Variants in EML5 observed in about 807,000 individuals in gnomAD.
The protein encoded by EML5 is EMAP like 5.
A neutral mutation model predicts 250.0 loss-of-function variants in EML5; 120 were observed. The ratio of observed to expected loss-of-function variants is 0.48; its 90% CI spans 0.41 to 0.56. The LOEUF is 0.56. EML5 is among the 20% of genes least tolerant of loss of function. EML5 has a pLI of 0.00. For missense variants in EML5, 2,006 were observed against 2,437.6 expected, an observed-to-expected ratio of 0.82 and a Z score of 3.73; for synonymous variants, 771 against 806.5, an observed-to-expected ratio of 0.96 and a Z score of 0.75.
At chr14:88,784,150 A>G (rs1436018389) in intron 1 of EML5, among the ~76,000 whole-genome samples, 2 of 152,192 alleles carry the variant, frequency 1.3e-5, no homozygotes, top group African/African-American at 4.8e-5. Context: ...TGCAAAAGCA[A>G]TACTCAAAGG....
At position 88,706,256 on chromosome 14, in the gene EML5, C is replaced by A; in HGVS notation, c.1825+3G>T. 6.3e-7 allele frequency: 1 copy of A among 1,590,092 alleles called. No homozygotes were observed. Among genetic ancestry groups the A allele is most frequent in the Non-Finnish European group, 8.5e-7 (1 of 1,171,908 alleles). ...AACTGTTTAGCTAATGCATACTACT[C>A]ACCTTGGGGTGCTATGTGAACAGCA... On this transcript the variant is annotated splice_donor_region_variant and intron_variant, in intron 11 of 43. Coordinates refer to ENST00000554922, the MANE Select transcript of EML5 (RefSeq NM_183387.3).
At chr14:88,744,970 A>G (rs916794380) in intron 3 of EML5, among the ~76,000 whole-genome samples, 1 of 152,120 alleles carries the variant, frequency 6.6e-6, no homozygotes, top group Non-Finnish European at 1.5e-5. Context: ...TATGAAAAAC[A>G]TATCAATGCA....
intron 21 of EML5, among the ~76,000 whole-genome samples, chr14:88,672,424 A>G (rs1326383751): frequency 1.3e-5 from 2 of 152,150 alleles, no homozygotes; most frequent in East Asian, 3.9e-4. Flanking sequence ...GTATAGCCCT[A>G]AATGCCCACA....
chr14:88,757,913 C>T (rs1048584388), intron 1 of EML5, among the ~76,000 whole-genome samples: 1 of 151,792 alleles, frequency 6.6e-6, no homozygotes, highest in African/African-American at 2.4e-5. Flanking sequence ...TACAGTGACA[C>T]AATCACCACT....
intron 2 of EML5, among the ~76,000 whole-genome samples, chr14:88,754,221 C>T (rs1467666903): frequency 6.6e-6 from 1 of 152,176 alleles, no homozygotes; most frequent in Non-Finnish European, 1.5e-5. Flanking sequence ...TCAAAATACC[C>T]TATCTGGAAA....
At chr14:88,622,906 A>C (rs960891250) in intron 36 of EML5, 188 bp from the exon 37 acceptor site, 2 of 428,398 alleles carry the variant, frequency 4.7e-6, no homozygotes, top group African/African-American at 4.1e-5. Flanking sequence ...GTCAAAATAA[A>C]CATCCAGTTT....
At position 88,715,122 on chromosome 14, in the gene EML5, T is replaced by C; in HGVS notation, c.1261A>G (p.Thr421Ala). ...TCATTGCATCCAACAGCAAGGTAAG[T>C]TCCATCTGGTGAATATTTTAACTCA... ...IHELKYSPDG[T>A]YLAVGCNDSS... The change falls in exon 9 of 44, where the codon ACT (threonine) becomes GCT (alanine). Residue 421 changes from threonine to alanine, a missense_variant. Physicochemically the swap from Thr to Ala is moderately conservative, Grantham distance 58. Transcript: ENST00000554922. 6.2e-7 allele frequency: 1 copy of C among 1,612,864 alleles called. No individual in the cohort carries two copies. Among genetic ancestry groups the C allele is most frequent in the South Asian group, 1.1e-5 (1 of 90,906 alleles).
chr14:88,618,724 T>C lies in EML5; in HGVS notation c.5464A>G (p.Arg1822Gly). The change falls in exon 40 of 44, where the codon AGA becomes GGA. Residue 1822 changes from arginine to glycine, a missense_variant. This residue lies in a region of EML5 where 405 missense variants were observed against 523.3 expected (regional missense o/e 0.77). Coordinates refer to ENST00000554922, the MANE Select transcript of EML5 (RefSeq NM_183387.3). ...YDLTLGPTLN[R>G]ISYCKDIPSF... ...GGAATGTCTTTGCAGTAGCTGATTC[T>C]GTTAAGAGTGGGGCCCAGCGTTAGG... The C allele has an allele frequency of 1.2e-6, 2 of 1,610,274 alleles. No homozygotes were observed. Among genetic ancestry groups the C allele is most frequent in the Non-Finnish European group, 1.7e-6 (2 of 1,178,100 alleles).
chr14:88,775,692 C>T (rs1339615866), intron 1 of EML5, among the ~76,000 whole-genome samples: 3 of 152,164 alleles, frequency 2.0e-5, no homozygotes, highest in Non-Finnish European at 4.4e-5. Context: ...GAACTCACAG[C>T]GCTGAAGGGA....
intron 8 of EML5, among the ~76,000 whole-genome samples, chr14:88,719,496 C>T (rs1358887586): frequency 6.6e-6 from 1 of 152,246 alleles, no homozygotes; most frequent in Non-Finnish European, 1.5e-5. Context: ...CCTTGCTTAT[C>T]AAGCTCTTCC....
At chr14:88,635,787 G>A (rs1006076586) in intron 32 of EML5, among the ~76,000 whole-genome samples, 2 of 152,164 alleles carry the variant, frequency 1.3e-5, no homozygotes, top group Admixed American at 6.5e-5. Flanking sequence ...TCACCAGTGT[G>A]ATGGTATTAG....
At chr14:88,729,960 AGAGAT>A (rs1452014294) in intron 7 of EML5, among the ~76,000 whole-genome samples, 3 of 151,988 alleles carry the variant, frequency 2.0e-5, no homozygotes, top group Non-Finnish European at 4.4e-5. Flanking sequence ...ATACTGGGAA[AGAGAT>A]GATACACTCT....
At chr14:88,771,196 G>C (rs922931767) in intron 1 of EML5, among the ~76,000 whole-genome samples, 1 of 152,178 alleles carries the variant, frequency 6.6e-6, no homozygotes, top group African/African-American at 2.4e-5. Flanking sequence ...TGGTAAATGT[G>C]CATCCTTTTC....
chr14:88,625,293 A>AAAG, intron 35 of EML5, 166 bp from the exon 36 acceptor site: 3 of 706,386 alleles, frequency 4.2e-6, no homozygotes, highest in Non-Finnish European at 6.7e-6. Flanking sequence ...CCTGAACGGG[A>AAAG]GGCTTAGCTT....
chr14:88,624,923 G>T (rs1567025031), intron 36 of EML5, 47 bp downstream of exon 36: 3 of 1,599,764 alleles, frequency 1.9e-6, no homozygotes, highest in Non-Finnish European at 2.6e-6. Context: ...CAAACCTCAG[G>T]TAGGTCACAA....
rs1790843491 is a variant in EML5, at chr14:88,620,989, A to G, written c.5203-63T>C. ...ACATTAAGTGAAGTACTTCTAAATTATACCAGTTTCCCCTCAAAATGCTCA... is the reference window on the plus strand; with the variant it reads ...ACATTAAGTGAAGTACTTCTAAATTGTACCAGTTTCCCCTCAAAATGCTCA... On this transcript the variant is annotated intron_variant, in intron 38 of 43. Transcript: ENST00000554922. The surrounding 1 kb of genome is among the most constrained non-coding windows in gnomAD (Gnocchi z 4.3). 6.8e-7 allele frequency: 1 copy of G among 1,471,812 alleles called. No homozygotes were observed. The highest frequency in any genetic ancestry group is 2.8e-5 in the Admixed American group (1 of 36,200). 91.2% of individuals were successfully genotyped at this position (1,471,812 alleles called of 1,614,324 possible).
At chr14:88,706,067 C>G (rs1462582077) in intron 11 of EML5, among the ~76,000 whole-genome samples, 192 bp downstream of exon 11, 1 of 152,098 alleles carries the variant, frequency 6.6e-6, no homozygotes, top group Non-Finnish European at 1.5e-5. Flanking sequence ...ATCAAAATTA[C>G]TTTGTATTTC....
chr14:88,728,875 T>C (rs1003963120), intron 7 of EML5, among the ~76,000 whole-genome samples: 3 of 152,156 alleles, frequency 2.0e-5, no homozygotes, highest in African/African-American at 7.2e-5. Context: ...AAACAAAGGC[T>C]ACAATTTAAT....
At chr14:88,626,710 G>T in intron 35 of EML5, 128 bp downstream of exon 35, 1 of 908,348 alleles carries the variant, frequency 1.1e-6, no homozygotes, top group Non-Finnish European at 1.6e-6. Context: ...TGAAATATAT[G>T]CTTGACCAGG....
Sources: gnomAD v4.1 joint callset for allele counts (sites outside exome capture counted in the v4.1 genomes callset) on GRCh38, gnomAD v4.1.1 for gene constraint, gnomAD v4.1.1 regional missense constraint, Gnocchi (gnomAD v3.1) non-coding constraint, MANE v1.5 for transcripts, NCBI Gene and HGNC (gene_info 2026-07-23, HGNC 2026-07-21) for gene names.